KASH5: variants seen among roughly 807,000 people sequenced by gnomAD.
KASH5 encodes the protein protein KASH5.
A neutral mutation model predicts 84.2 loss-of-function variants in KASH5; 72 were observed. The observed-to-expected ratio is 0.85, with a 90% confidence interval of 0.71 to 1.04. The LOEUF (loss-of-function observed/expected upper bound fraction) is 1.04, where lower values mean the gene tolerates loss of function less well. KASH5 is among the 50% of genes least tolerant of loss of function. The pLI, the probability that KASH5 is intolerant of heterozygous loss-of-function variation, is 0.00. For synonymous variants in KASH5, 260 were observed against 279.1 expected (o/e 0.93, Z 0.68); for missense variants, 650 against 701.0 (o/e 0.93, Z 0.82).
Position 49,395,027 on chromosome 19 carries a change from C to A in KASH5, c.149-79C>A, listed in dbSNP as rs762282161. 2.3e-5 allele frequency: 27 copies of A among 1,165,162 alleles called. No individual in the cohort carries two copies. The highest frequency in any genetic ancestry group is 3.1e-5 in the Non-Finnish European group (26 of 843,862). The allele number at this position is 1,165,162 out of a possible 1,614,324, so 72.2% of individuals were successfully genotyped here. A position where few individuals can be genotyped will look rare whatever the true frequency, so the allele number is the denominator to read the frequency against. The stretch of plus-strand genomic sequence containing the variant: ...GTGCCACCAGCCTAGCCAGTGACAT[C>A]CTGGTCCCAAGCTGCTGCCAGTCCA... On this transcript the variant is annotated intron_variant, in intron 3 of 19. Coordinates refer to ENST00000447857, the MANE Select transcript of KASH5 (RefSeq NM_144688.5). This position sits in a 1 kb window ranked among gnomAD's most constrained non-coding sequence, Gnocchi z 4.4.
At chr19:49,406,813 T>C in intron 9 of KASH5, 73 bp from the exon 10 acceptor site, 1 of 1,351,864 alleles carries the variant, frequency 7.4e-7, no homozygotes. Context: ...ATCAAGTGTT[T>C]AGCAAATATC....
rs565374998 is a variant in KASH5, at chr19:49,398,455, C to T, written c.629+312C>T. Among the ~76,000 whole-genome samples, 8 of 151,790 alleles carry T rather than the reference C, an allele frequency of 5.3e-5. No homozygotes were observed. In the East Asian group the frequency reaches 7.7e-4, roughly 15 times the overall value. ...GGTGATCACAGCTCACTGTACCCTC[C>T]GCCTCTGGGCTCTAGCGAGCCTCCC... On this transcript the variant is annotated intron_variant, in intron 7 of 19. Coordinates refer to ENST00000447857, the MANE Select transcript of KASH5 (RefSeq NM_144688.5).
chr19:49,417,711 T>C lies in KASH5; in HGVS notation c.*201T>C. 1.6e-6 allele frequency: 1 copy of C among 632,724 alleles called. No individual in the cohort carries two copies. The highest frequency in any genetic ancestry group is 2.4e-6 in the Non-Finnish European group (1 of 412,380). 39.2% of individuals were successfully genotyped at this position (632,724 alleles called of 1,614,324 possible). A position where few individuals can be genotyped will look rare whatever the true frequency, so the allele number is the denominator to read the frequency against. On this transcript the variant is annotated 3_prime_UTR_variant, in exon 20 of 20. Transcript: ENST00000447857. The surrounding 1 kb of genome is among the most constrained non-coding windows in gnomAD (Gnocchi z 5.2). ...CTTAACAATAGCAAAACTCCCCCAGTAATGGATTAAGCACTAAGGATTATT... is the reference window on the plus strand; with the variant it reads ...CTTAACAATAGCAAAACTCCCCCAGCAATGGATTAAGCACTAAGGATTATT...
At position 49,407,710 on chromosome 19, in the gene KASH5, C is replaced by G. The variant is rs201503696; in HGVS notation, c.993+39C>G. The G allele has an allele frequency of 9.1e-5, 143 of 1,568,718 alleles. No individual in the cohort carries two copies. The African/African-American group carries it at 1.8e-3, about 20-fold the overall frequency. On this transcript the variant is annotated intron_variant, in intron 12 of 19. Transcript: ENST00000447857. ...CCTCGCCACCCACCGCGGCCCTCGC[C>G]ACTTCTCTTTTGCCATCTCTGGGAC...
At chr19:49,391,405 AAT>A (rs1974000214) in intron 2 of KASH5, among the ~76,000 whole-genome samples, 1 of 152,204 alleles carries the variant, frequency 6.6e-6, no homozygotes, top group South Asian at 2.1e-4. Context: ...GTGGAAGTAT[AAT>A]ATGAGCCACA....
chr19:49,417,565 C>G lies in KASH5; in HGVS notation c.*55C>G. 6.8e-7 allele frequency: 1 copy of G among 1,465,708 alleles called. No individual in the cohort carries two copies. The highest frequency in any genetic ancestry group is 9.1e-7 in the Non-Finnish European group (1 of 1,103,262). 90.8% of individuals were successfully genotyped at this position (1,465,708 alleles called of 1,614,324 possible). A position where few individuals can be genotyped will look rare whatever the true frequency, so the allele number is the denominator to read the frequency against. ...CTAGCTCAATAAATCCCCTGGCCCTCTCTCCACTGGGATCCCCATTGTTAG... is the reference window on the plus strand; with the variant it reads ...CTAGCTCAATAAATCCCCTGGCCCTGTCTCCACTGGGATCCCCATTGTTAG... On this transcript the variant is annotated 3_prime_UTR_variant, in exon 20 of 20. Coordinates refer to ENST00000447857, the MANE Select transcript of KASH5 (RefSeq NM_144688.5). This position sits in a 1 kb window ranked among gnomAD's most constrained non-coding sequence, Gnocchi z 5.2.
In KASH5 at chr19:49,395,602, T is replaced by C; in HGVS notation, c.336-167T>C. On this transcript the variant is annotated intron_variant, in intron 4 of 19. Transcript: ENST00000447857. The surrounding 1 kb of genome is among the most constrained non-coding windows in gnomAD (Gnocchi z 4.4). ...AACCCACTCCTTGCCCCTCCTGCTT[T>C]TCCATCTGGCCACGGGCACTTGCCA... The C allele has an allele frequency of 1.4e-6, 1 of 695,002 alleles. No individual in the cohort carries two copies. Among genetic ancestry groups the C allele is most frequent in the Non-Finnish European group, 2.4e-6 (1 of 410,386 alleles). The allele number at this position is 695,002 out of a possible 1,614,324, so 43.1% of individuals were successfully genotyped here.
intron 9 of KASH5, among the ~76,000 whole-genome samples, chr19:49,401,239 GGCT>G (rs1282596816): frequency 6.6e-6 from 1 of 152,202 alleles, no homozygotes; most frequent in Non-Finnish European, 1.5e-5. Context: ...AAAGGGAAGA[GGCT>G]GGGGTCACTG....
Position 49,399,623 on chromosome 19 carries a change from T to C in KASH5, c.798+116T>C, listed in dbSNP as rs1404164817. 2 of 1,540,810 alleles carry C rather than the reference T, an allele frequency of 1.3e-6. No individual in the cohort carries two copies. The highest frequency in any genetic ancestry group is 2.5e-5 in the East Asian group (1 of 40,718). ...CCTGTCTTGGGGAGACCTCAGAATG[T>C]CAGTAGTGTGGGAATGTCCCTGAGG... On this transcript the variant is annotated intron_variant, in intron 9 of 19. Transcript: ENST00000447857. This position sits in a 1 kb window ranked among gnomAD's most constrained non-coding sequence, Gnocchi z 4.4.
chr19:49,409,341 CT>C (rs906043589), intron 14 of KASH5, 58 bp downstream of exon 14: 1 of 1,531,106 alleles, frequency 6.5e-7, no homozygotes, highest in African/African-American at 1.4e-5. Flanking sequence ...CTCCAAACAT[CT>C]CCCTACTCTG....
Position 49,406,915 on chromosome 19 carries a change from A to C in KASH5, c.828A>C (p.Gly276=), listed in dbSNP as rs1465585472. ...GGAAGCTGCTTGCCGAGCGGGATGGAGTGAAAAAGAGAAGTCAGGAGCTGG... is the reference window on the plus strand; with the variant it reads ...GGAAGCTGCTTGCCGAGCGGGATGGCGTGAAAAAGAGAAGTCAGGAGCTGG... ...ENGKLLAERD[G]VKKRSQELAM... Residue 276 remains glycine (G), a synonymous_variant, in exon 10 of 20, where the codon GGA becomes GGC. Coordinates refer to ENST00000447857, the MANE Select transcript of KASH5 (RefSeq NM_144688.5). 6.2e-7 allele frequency: 1 copy of C among 1,605,778 alleles called. No individual in the cohort carries two copies. Among genetic ancestry groups the C allele is most frequent in the East Asian group, 2.2e-5 (1 of 44,616 alleles).
intron 12 of KASH5, 37 bp from the exon 13 acceptor site, chr19:49,408,930 G>A (rs1298897391): frequency 6.4e-7 from 1 of 1,556,284 alleles, no homozygotes; most frequent in Non-Finnish European, 8.7e-7. Flanking sequence ...TGGGAAAAAT[G>A]CAGAGCCAAA....
At chr19:49,402,954 G>GTCTCTGGGAAGAAGGTGT (rs1974409741) in intron 9 of KASH5, among the ~76,000 whole-genome samples, 2 of 151,984 alleles carry the variant, frequency 1.3e-5, no homozygotes, top group African/African-American at 4.8e-5. Flanking sequence ...GAAGAAGGTG[G>GTCTCTGGGAAGAAGGTGT]TCTCTGGGAG....
chr19:49,398,987 C>T, intron 7 of KASH5, 38 bp from the exon 8 acceptor site: 1 of 1,461,328 alleles, frequency 6.8e-7, no homozygotes, highest in Middle Eastern at 1.7e-4. Context: ...CTGCCTTCCT[C>T]CCTCTCGTAT....
At chr19:49,388,802 G>T (rs938529878) in intron 1 of KASH5, among the ~76,000 whole-genome samples, 1 of 151,698 alleles carries the variant, frequency 6.6e-6, no homozygotes, top group African/African-American at 2.4e-5. Flanking sequence ...TCTAGAAATT[G>T]TCAGACTTCT....
intron 2 of KASH5, among the ~76,000 whole-genome samples, chr19:49,392,786 C>T (rs1371412761): frequency 6.6e-6 from 1 of 152,092 alleles, no homozygotes; most frequent in Non-Finnish European, 1.5e-5. Flanking sequence ...GTAGCAGGCA[C>T]CTGTAATCCC....
intron 2 of KASH5, among the ~76,000 whole-genome samples, chr19:49,391,387 G>A (rs1480585201): frequency 1.3e-5 from 2 of 152,112 alleles, no homozygotes; most frequent in Non-Finnish European, 2.9e-5. Context: ...CTAGAGCAGC[G>A]CTGTCCTGTG....
chr19:49,392,687 G>A (rs559300173), intron 2 of KASH5, among the ~76,000 whole-genome samples: 21 of 152,218 alleles, frequency 1.4e-4, no homozygotes, highest in African/African-American at 4.6e-4. Flanking sequence ...CAAGGTGGGC[G>A]GATCACTTGA....
chr19:49,404,946 G>A (rs1043384148), intron 9 of KASH5, among the ~76,000 whole-genome samples: 9 of 152,140 alleles, frequency 5.9e-5, no homozygotes, highest in African/African-American at 1.9e-4. Flanking sequence ...GAACAAGAGC[G>A]CAATCAGCCT....
Sources: gnomAD v4.1 joint callset for allele counts (sites outside exome capture counted in the v4.1 genomes callset) on GRCh38, gnomAD v4.1.1 for gene constraint, Gnocchi (gnomAD v3.1) non-coding constraint, MANE v1.5 for transcripts, NCBI Gene and HGNC (gene_info 2026-07-23, HGNC 2026-07-21) for gene names.